The following GABRA4 variants were observed in gnomAD, a reference collection of about 807,000 sequenced individuals.
GABRA4 encodes gamma-aminobutyric acid type A receptor subunit alpha4.
A neutral mutation model predicts 49.7 loss-of-function variants in GABRA4; 12 were observed. That is an observed-to-expected ratio of 0.24 (90% CI 0.15 to 0.39). The LOEUF (loss-of-function observed/expected upper bound fraction) is 0.39. GABRA4 is among the 10% of genes least tolerant of loss of function. The pLI, the probability that GABRA4 is intolerant of heterozygous loss-of-function variation, is 1.00. For missense variants in GABRA4, 506 were observed against 686.0 expected, an observed-to-expected ratio of 0.74 and a Z score of 2.93; for synonymous variants, 288 against 240.2, an observed-to-expected ratio of 1.20 and a Z score of -1.84.
At chr4:46,943,577 A>G (rs906195583) in intron 8 of GABRA4, among the ~76,000 whole-genome samples, 1 of 152,026 alleles carries the variant, frequency 6.6e-6, no homozygotes, top group Non-Finnish European at 1.5e-5. Flanking sequence ...ATAGCATTCT[A>G]CATGATTTGG....
intron 7 of GABRA4, among the ~76,000 whole-genome samples, chr4:46,965,790 C>A (rs1442840949): frequency 6.6e-6 from 1 of 151,772 alleles, no homozygotes; most frequent in African/African-American, 2.4e-5. Flanking sequence ...TCTTTCTTAT[C>A]TTTAAATATT....
At chr4:46,970,476 T>C (rs764211906) in intron 7 of GABRA4, among the ~76,000 whole-genome samples, 129 of 151,574 alleles carry the variant, frequency 8.5e-4, no homozygotes, top group Non-Finnish European at 1.3e-3. Flanking sequence ...AATTGTAAAC[T>C]CATATGCTCT....
At chr4:46,947,573 CAAAA>C (rs753699323) in intron 8 of GABRA4, among the ~76,000 whole-genome samples, 3 of 149,948 alleles carry the variant, frequency 2.0e-5, no homozygotes, top group South Asian at 2.1e-4. Flanking sequence ...AGAAAAGGCG[CAAAA>C]AAGGAAGGAA....
intron 8 of GABRA4, among the ~76,000 whole-genome samples, chr4:46,963,552 G>A (rs1722651240): frequency 6.6e-6 from 1 of 151,718 alleles, no homozygotes; most frequent in South Asian, 2.1e-4. Flanking sequence ...ATGATTCTGA[G>A]GCCTCCCCAG....
At chr4:46,981,999 C>T (rs1723373382) in intron 2 of GABRA4, among the ~76,000 whole-genome samples, 1 of 152,024 alleles carries the variant, frequency 6.6e-6, no homozygotes, top group African/African-American at 2.4e-5. Flanking sequence ...GGACAGAATG[C>T]TGAGAAATAA....
At chr4:46,938,418 G>A (rs1470696849) in intron 8 of GABRA4, among the ~76,000 whole-genome samples, 1 of 152,104 alleles carries the variant, frequency 6.6e-6, no homozygotes, top group African/African-American at 2.4e-5. Context: ...CATCAGCAAA[G>A]GCAACAGGGG....
rs567174686 is a variant in GABRA4, at chr4:46,992,886, G to A, written c.147C>T (p.Thr49=). Reference sequence around the variant, plus strand: ...CATCGAGCAAACTGTCCAGGATGCGGGTGAAATTTTCTGTGCACAATTTCT... The same window carrying A: ...CATCGAGCAAACTGTCCAGGATGCGAGTGAAATTTTCTGTGCACAATTTCT... ...KEEKLCTENF[T]RILDSLLDGY... Residue 49 remains threonine, a synonymous_variant, in exon 2 of 9, where the codon ACC becomes ACT. Transcript: ENST00000264318. 1 of 1,613,810 alleles carries A rather than the reference G, an allele frequency of 6.2e-7. No homozygotes were observed. Among genetic ancestry groups the A allele is most frequent in the African/African-American group, 1.3e-5 (1 of 74,912 alleles).
At chr4:46,974,547 G>T (rs1038116559) in intron 5 of GABRA4, among the ~76,000 whole-genome samples, 172 bp from the exon 6 acceptor site, 1 of 151,874 alleles carries the variant, frequency 6.6e-6, no homozygotes, top group Non-Finnish European at 1.5e-5. Context: ...ACATCTTTAA[G>T]ATTTAGAAAA....
chr4:46,988,997 G>T (rs1040370472), intron 2 of GABRA4, among the ~76,000 whole-genome samples: 13 of 152,146 alleles, frequency 8.5e-5, no homozygotes, highest in Admixed American at 8.5e-4. Context: ...AGTAAATAAT[G>T]CGAAGTCCAC....
intron 8 of GABRA4, among the ~76,000 whole-genome samples, chr4:46,934,973 C>T (rs1434038006): frequency 6.6e-6 from 1 of 152,154 alleles, no homozygotes; most frequent in East Asian, 1.9e-4. Flanking sequence ...GCAAAGGACA[C>T]TCCACTCACT....
chr4:46,958,522 G>A (rs1722443995), intron 8 of GABRA4, among the ~76,000 whole-genome samples: 2 of 151,822 alleles, frequency 1.3e-5, no homozygotes, highest in African/African-American at 4.8e-5. Context: ...GCATCCATGA[G>A]AGAGTAGGTA....
chr4:46,935,852 T>G (rs531377523), intron 8 of GABRA4, among the ~76,000 whole-genome samples: 2 of 152,240 alleles, frequency 1.3e-5, no homozygotes, highest in East Asian at 3.9e-4. Flanking sequence ...TATTCTATGG[T>G]GAAGTCAGTC....
chr4:46,978,055 A>G (rs1278526082), intron 3 of GABRA4, among the ~76,000 whole-genome samples: 2 of 152,076 alleles, frequency 1.3e-5, no homozygotes, highest in African/African-American at 4.8e-5. Flanking sequence ...GAGATATTTT[A>G]TTTTCACAAA....
chr4:46,978,779 T>C (rs541280179), intron 3 of GABRA4, among the ~76,000 whole-genome samples: 1 of 150,568 alleles, frequency 6.6e-6, no homozygotes, highest in South Asian at 2.1e-4. Context: ...GGTTGTGCTA[T>C]AGGAACCAGT....
chr4:46,962,742 A>T (rs1427017463), intron 8 of GABRA4, among the ~76,000 whole-genome samples: 1 of 151,958 alleles, frequency 6.6e-6, no homozygotes, highest in African/African-American at 2.4e-5. Context: ...ACAACATGGT[A>T]CTGGCATAAA....
chr4:46,972,036 A>C (rs769509239), intron 6 of GABRA4, among the ~76,000 whole-genome samples: 1 of 151,630 alleles, frequency 6.6e-6, no homozygotes, highest in Non-Finnish European at 1.5e-5. Flanking sequence ...TTCACAAACC[A>C]TGAGGCCAGC....
At position 46,957,113 on chromosome 4, in the gene GABRA4, T is replaced by C. The variant is rs192088458; in HGVS notation, c.1134+7857A>G. On this transcript the variant is annotated intron_variant, in intron 8 of 8. Coordinates refer to ENST00000264318, the MANE Select transcript of GABRA4 (RefSeq NM_000809.4). ...ACTAAGCACTGTACTGGGTACTTTA[T>C]GGAATGACATAACTTAATCCTTATT... is the stretch of plus-strand genomic sequence containing the variant. 1.8e-3 allele frequency among the ~76,000 whole-genome samples: 272 copies of C among 152,128 alleles called. 1 individual carries two copies. The highest frequency in any genetic ancestry group is 4.1e-3 in the Admixed American group (62 of 15,238).
At chr4:46,992,660 G>T in intron 2 of GABRA4, 168 bp downstream of exon 2, 1 of 620,374 alleles carries the variant, frequency 1.6e-6, no homozygotes, top group Non-Finnish European at 2.9e-6. Flanking sequence ...AAGTACGGGT[G>T]GAGGCGGTCT....
intron 8 of GABRA4, among the ~76,000 whole-genome samples, chr4:46,957,712 C>A (rs954993083): frequency 5.3e-5 from 8 of 151,892 alleles, no homozygotes; most frequent in Non-Finnish European, 1.0e-4. Flanking sequence ...CCCAATATAT[C>A]CAATCAGTCA....
Sources: gnomAD v4.1 joint callset for allele counts (sites outside exome capture counted in the v4.1 genomes callset) on GRCh38, gnomAD v4.1.1 for gene constraint, MANE v1.5 for transcripts, NCBI Gene and HGNC (gene_info 2026-07-23, HGNC 2026-07-21) for gene names.